Variants in UXS1 observed in about 807,000 individuals in gnomAD.
UXS1 encodes the protein UDP-glucuronate decarboxylase 1.
UXS1 carries 33 observed loss-of-function variants against 62.6 expected under a neutral mutation model. That is an observed-to-expected ratio of 0.53 (90% CI 0.40 to 0.70). The LOEUF (loss-of-function observed/expected upper bound fraction) is 0.70, where lower values mean the gene tolerates loss of function less well. Ranked by LOEUF, UXS1 falls within the 30% of genes least tolerant of loss-of-function variation. The pLI is 0.00. For missense variants in UXS1, 434 were observed against 556.3 expected, an observed-to-expected ratio of 0.78 and a Z score of 2.21; for synonymous variants, 213 against 206.8, an observed-to-expected ratio of 1.03 and a Z score of -0.26.
intron 1 of UXS1, among the ~76,000 whole-genome samples, chr2:106,192,349 T>C (rs530745058): frequency 6.6e-6 from 1 of 152,270 alleles, no homozygotes; most frequent in South Asian, 2.1e-4. Flanking sequence ...GGTCAGGAGA[T>C]CGAGACCATC....
chr2:106,186,964 A>G (rs1472345182), intron 1 of UXS1, among the ~76,000 whole-genome samples: 2 of 152,126 alleles, frequency 1.3e-5, no homozygotes, highest in Non-Finnish European at 2.9e-5. Context: ...TATATAGAAG[A>G]ATACCTTTAT....
At position 106,129,609 on chromosome 2, in the gene UXS1, C is replaced by T. The variant is rs572840199; in HGVS notation, c.577+65G>A. 9 of 1,291,926 alleles carry T rather than the reference C, an allele frequency of 7.0e-6. No homozygotes were observed. In the African/African-American group the frequency reaches 1.3e-4, roughly 19 times the overall value. 80.0% of individuals were successfully genotyped at this position (1,291,926 alleles called of 1,614,324 possible). A position where few individuals can be genotyped will look rare whatever the true frequency, so the allele number is the denominator to read the frequency against. On this transcript the variant is annotated intron_variant, in intron 7 of 14. Transcript: ENST00000283148. ...AAACTCTAGTAGAAGATTCAATGAC[C>T]TATGCTTGTAATCATCTAAAATATT...
At chr2:106,170,254 G>C (rs1007423164) in intron 1 of UXS1, among the ~76,000 whole-genome samples, 6 of 152,128 alleles carry the variant, frequency 3.9e-5, no homozygotes, top group African/African-American at 1.4e-4. Flanking sequence ...CTGGGCACCT[G>C]CACCTCCAAG....
intron 6 of UXS1, among the ~76,000 whole-genome samples, 184 bp downstream of exon 6, chr2:106,145,006 T>C (rs1421044993): frequency 1.3e-5 from 2 of 152,198 alleles, no homozygotes; most frequent in Non-Finnish European, 2.9e-5. Context: ...CTATTCACAC[T>C]GTTATAACCA....
At chr2:106,118,123 C>G (rs1336515608) in intron 9 of UXS1, among the ~76,000 whole-genome samples, 2 of 152,180 alleles carry the variant, frequency 1.3e-5, no homozygotes, top group African/African-American at 4.8e-5. Context: ...GTCACAGGGC[C>G]AGGAAGCCAA....
chr2:106,097,378 C>T (rs10206639), intron 13 of UXS1: 278,848 of 370,192 alleles, frequency 0.75, 105,807 homozygotes, highest in South Asian at 0.79. Flanking sequence ...GCCAGCAGTA[C>T]ACAGCCCCAC....
chr2:106,136,965 C>CAAAAAAAAA (rs397701050), intron 6 of UXS1, among the ~76,000 whole-genome samples: 31 of 54,168 alleles, frequency 5.7e-4, no homozygotes, highest in South Asian at 1.5e-3. Context: ...AGAACACACA[C>CAAAAAAAAA]AAAAAAAAAA....
chr2:106,099,564 G>C (rs1276904766), intron 12 of UXS1, among the ~76,000 whole-genome samples: 1 of 152,198 alleles, frequency 6.6e-6, no homozygotes, highest in Admixed American at 6.5e-5. Context: ...GCAAGAAAGT[G>C]ATTCTGCCTT....
chr2:106,100,431 C>G (rs1677496766), intron 12 of UXS1, among the ~76,000 whole-genome samples: 1 of 152,180 alleles, frequency 6.6e-6, no homozygotes, highest in South Asian at 2.1e-4. Context: ...GAAGTGAGGT[C>G]AGTGGACAGG....
At chr2:106,108,035 T>C (rs1213789624) in intron 10 of UXS1, among the ~76,000 whole-genome samples, 1 of 152,210 alleles carries the variant, frequency 6.6e-6, no homozygotes, top group Non-Finnish European at 1.5e-5. Flanking sequence ...GCTGACACAG[T>C]CCTGAAAGTT....
intron 5 of UXS1, among the ~76,000 whole-genome samples, chr2:106,146,298 T>A (rs1344405271): frequency 1.3e-5 from 2 of 152,242 alleles, no homozygotes; most frequent in African/African-American, 4.8e-5. Flanking sequence ...AAAATTCTCA[T>A]TCATTTCACC....
intron 9 of UXS1, among the ~76,000 whole-genome samples, chr2:106,119,960 TCTATAC>T (rs1346347369): frequency 6.6e-6 from 1 of 152,236 alleles, no homozygotes; most frequent in African/African-American, 2.4e-5. Flanking sequence ...GTCTTATTTT[TCTATAC>T]CTGGCAAAAT....
Position 106,194,258 on chromosome 2 carries a change from G to C in UXS1, c.-17C>G. 4 of 1,376,364 alleles carry C rather than the reference G, an allele frequency of 2.9e-6. No homozygotes were observed. Among genetic ancestry groups the C allele is most frequent in the East Asian group, 3.3e-5 (1 of 29,910 alleles). The allele number at this position is 1,376,364 out of a possible 1,614,324, so 85.3% of individuals were successfully genotyped here. A position where few individuals can be genotyped will look rare whatever the true frequency, so the allele number is the denominator to read the frequency against. The stretch of plus-strand genomic sequence containing the variant: ...GCTCACCATCCCCGGGAGCCGCGCG[G>C]GTCCAGGGCCCTACCGCGCGGGGGC... On this transcript the variant is annotated 5_prime_UTR_variant, in exon 1 of 15. Transcript: ENST00000283148.
intron 5 of UXS1, among the ~76,000 whole-genome samples, chr2:106,153,802 T>A (rs1682218935): frequency 6.6e-6 from 1 of 152,194 alleles, no homozygotes. Flanking sequence ...GCAATTGCAG[T>A]TTTTGCCATT....
intron 1 of UXS1, among the ~76,000 whole-genome samples, chr2:106,190,018 C>T (rs553912784): frequency 1.3e-5 from 2 of 152,276 alleles, no homozygotes; most frequent in East Asian, 3.9e-4. Flanking sequence ...CCACAAGTTG[C>T]AGTAGAAGGC....
intron 1 of UXS1, among the ~76,000 whole-genome samples, chr2:106,166,681 T>TG (rs1305681150): frequency 6.9e-6 from 1 of 144,524 alleles, no homozygotes; most frequent in East Asian, 2.1e-4. Flanking sequence ...GGTCTAGAGT[T>TG]GGACAGTGCA....
At chr2:106,122,862 T>C (rs1331284492) in intron 9 of UXS1, 108 bp downstream of exon 9, 6 of 1,480,800 alleles carry the variant, frequency 4.1e-6, no homozygotes, top group East Asian at 2.4e-5. Flanking sequence ...CCCAAACACC[T>C]ATCCCCAGAC....
intron 14 of UXS1, among the ~76,000 whole-genome samples, chr2:106,096,339 C>T (rs1677096296): frequency 6.6e-6 from 1 of 151,984 alleles, no homozygotes; most frequent in Admixed American, 6.6e-5. Flanking sequence ...TGTGAGTATA[C>T]TTGTATTAAG....
chr2:106,098,882 C>G (rs1032115339), intron 12 of UXS1, 109 bp from the exon 13 acceptor site: 2 of 965,962 alleles, frequency 2.1e-6, no homozygotes, highest in African/African-American at 1.6e-5. Flanking sequence ...TCTGACCTCC[C>G]TGCGCTGCTT....
Sources: gnomAD v4.1 joint callset for allele counts (sites outside exome capture counted in the v4.1 genomes callset) on GRCh38, gnomAD v4.1.1 for gene constraint, MANE v1.5 for transcripts, NCBI Gene and HGNC (gene_info 2026-07-23, HGNC 2026-07-21) for gene names.